The following RABGAP1L variants were observed in gnomAD, a reference collection of about 807,000 sequenced individuals.
RABGAP1L encodes the protein rab GTPase-activating protein 1-like.
A neutral mutation model predicts 137.7 loss-of-function variants in RABGAP1L; 63 were observed. The ratio of observed to expected loss-of-function variants is 0.46; its 90% CI spans 0.37 to 0.56. The LOEUF is 0.56. Among genes scored for constraint, RABGAP1L ranks in the 20% least tolerant of loss-of-function variants. The pLI, the probability that RABGAP1L is intolerant of heterozygous loss-of-function variation, is 0.00. For missense variants in RABGAP1L, 1,095 were observed against 1,244.0 expected (o/e 0.88, Z 1.80); for synonymous variants, 431 against 433.7 (o/e 0.99, Z 0.08).
intron 13 of RABGAP1L, among the ~76,000 whole-genome samples, chr1:174,576,522 A>G (rs1023854375): frequency 1.8e-4 from 28 of 152,136 alleles, no homozygotes; most frequent in Admixed American, 4.6e-4. Context: ...TGGCAGTCCA[A>G]CCTGGCATTG....
At chr1:174,805,285 A>G (rs1278813889) in intron 18 of RABGAP1L, among the ~76,000 whole-genome samples, 1 of 152,124 alleles carries the variant, frequency 6.6e-6, no homozygotes, top group African/African-American at 2.4e-5. Context: ...CTTCCTACCT[A>G]CTTGAAAGGG....
chr1:174,438,443 G>A (rs1234066627), intron 13 of RABGAP1L, among the ~76,000 whole-genome samples: 11 of 151,940 alleles, frequency 7.2e-5, no homozygotes, highest in South Asian at 2.1e-4. Flanking sequence ...AGTAGGCTGG[G>A]CGCAGTGGCT....
At chr1:174,757,874 A>ATT in intron 18 of RABGAP1L, among the ~76,000 whole-genome samples, 1 of 151,926 alleles carries the variant, frequency 6.6e-6, no homozygotes, top group Non-Finnish European at 1.5e-5. Flanking sequence ...AAATACAAAA[A>ATT]ACGCCAGGCG....
chr1:174,199,923 G>T (rs1289810803), intron 1 of RABGAP1L, among the ~76,000 whole-genome samples: 1 of 152,078 alleles, frequency 6.6e-6, no homozygotes, highest in African/African-American at 2.4e-5. Context: ...ACTTTCTTAG[G>T]TTCTCTCTAG....
intron 6 of RABGAP1L, among the ~76,000 whole-genome samples, chr1:174,252,046 A>C (rs1006518053): frequency 6.6e-6 from 1 of 151,866 alleles, no homozygotes; most frequent in Non-Finnish European, 1.5e-5. Context: ...ACAAGCATGC[A>C]CCACCACTCA....
chr1:174,782,824 C>T (rs567743782), intron 18 of RABGAP1L, among the ~76,000 whole-genome samples: 1 of 152,242 alleles, frequency 6.6e-6, no homozygotes, highest in East Asian at 1.9e-4. Context: ...AAAGAGGGCT[C>T]ACTAAAATGC....
intron 13 of RABGAP1L, among the ~76,000 whole-genome samples, chr1:174,412,535 G>C (rs1358727758): frequency 1.3e-5 from 2 of 152,018 alleles, no homozygotes; most frequent in African/African-American, 4.8e-5. Context: ...AGTTTCTATT[G>C]TGTTGTTTCC....
rs1277678007 is a variant in RABGAP1L at position 174,441,597 on chromosome 1, G to A, written c.1710+47452G>A. Among the ~76,000 whole-genome samples, 8 of 152,046 alleles carry A rather than the reference G, an allele frequency of 5.3e-5. No homozygotes were observed. In the East Asian group the frequency reaches 1.3e-3, roughly 26 times the overall value. The stretch of plus-strand genomic sequence containing the variant: ...TAAAAATACAAAATTAGTCAGGCGT[G>A]GTGGTGCATGCCTGTAATCCCAGCC... On this transcript the variant is annotated intron_variant, in intron 13 of 25. Coordinates refer to ENST00000681986, the MANE Select transcript of RABGAP1L (RefSeq NM_001366446.1).
intron 19 of RABGAP1L, among the ~76,000 whole-genome samples, chr1:174,910,098 G>A (rs1253725974): frequency 2.6e-5 from 4 of 151,940 alleles, no homozygotes; most frequent in Non-Finnish European, 4.4e-5. Flanking sequence ...GAGATTTCGC[G>A]ACTGCACTCC....
At chr1:174,924,876 T>A (rs1455434987) in intron 19 of RABGAP1L, among the ~76,000 whole-genome samples, 1 of 152,104 alleles carries the variant, frequency 6.6e-6, no homozygotes, top group South Asian at 2.1e-4. Context: ...TCCATAGTAC[T>A]GTATATTAGA....
At position 174,374,582 on chromosome 1, in the gene RABGAP1L, C is replaced by T. The variant is rs537814815; in HGVS notation, c.1559+3510C>T. On this transcript the variant is annotated intron_variant, in intron 12 of 25. Transcript: ENST00000681986. Reference sequence around the variant, plus strand: ...TTTGGATAAGGTGTTTCTTCTTGTCCGTAATTTACTCCCAAAGGCAAAATA... The same window carrying T: ...TTTGGATAAGGTGTTTCTTCTTGTCTGTAATTTACTCCCAAAGGCAAAATA... 1.4e-4 allele frequency among the ~76,000 whole-genome samples: 22 copies of T among 152,126 alleles called. No individual in the cohort carries two copies. The South Asian group carries it at 3.1e-3, about 22-fold the overall frequency.
chr1:174,683,054 AG>A (rs1299061848), intron 14 of RABGAP1L, among the ~76,000 whole-genome samples: 13 of 139,836 alleles, frequency 9.3e-5, no homozygotes, highest in East Asian at 2.1e-4. Context: ...GAGGTTCTAA[AG>A]GGGTTTTTTT....
At chr1:174,234,084 A>G (rs1479491263) in intron 4 of RABGAP1L, among the ~76,000 whole-genome samples, 1 of 129,456 alleles carries the variant, frequency 7.7e-6, no homozygotes, top group African/African-American at 3.8e-5. Context: ...GTGTCTGTTC[A>G]TGTCCTTCGC....
intron 7 of RABGAP1L, among the ~76,000 whole-genome samples, chr1:174,257,172 C>A (rs975273551): frequency 6.6e-6 from 1 of 152,132 alleles, no homozygotes; most frequent in Non-Finnish European, 1.5e-5. Flanking sequence ...TTTTTTTGAG[C>A]ACTTCCTTTT....
intron 11 of RABGAP1L, among the ~76,000 whole-genome samples, chr1:174,320,705 TCCCCAGTCAATAC>T (rs1679881655): frequency 6.6e-6 from 1 of 152,186 alleles, no homozygotes. Context: ...ATTTATCACT[TCCCCAGTCAATAC>T]TCTTGGGATT....
chr1:174,987,913 G>A (rs867978561), intron 24 of RABGAP1L, among the ~76,000 whole-genome samples: 58 of 151,972 alleles, frequency 3.8e-4, no homozygotes, highest in African/African-American at 1.4e-3. Context: ...GGGTTCAAGC[G>A]ATTCTCCTGC....
chr1:174,444,576 A>G (rs1654523674), intron 13 of RABGAP1L, among the ~76,000 whole-genome samples: 1 of 151,974 alleles, frequency 6.6e-6, no homozygotes, highest in Non-Finnish European at 1.5e-5. Flanking sequence ...AGTTCTGGGC[A>G]TGTCTTTGAT....
intron 13 of RABGAP1L, among the ~76,000 whole-genome samples, chr1:174,618,084 G>A (rs974455497): frequency 1.3e-5 from 2 of 152,338 alleles, no homozygotes; most frequent in East Asian, 1.9e-4. Context: ...AGGCAGCAGC[G>A]AGGCTGTGGG....
intron 18 of RABGAP1L, among the ~76,000 whole-genome samples, chr1:174,769,925 T>C (rs755339060): frequency 1.3e-5 from 2 of 152,206 alleles, no homozygotes; most frequent in Non-Finnish European, 2.9e-5. Flanking sequence ...GTCTTTGATG[T>C]ACCAACTTGG....
Sources: allele counts gnomAD v4.1 joint callset (sites outside exome capture counted in the v4.1 genomes callset), GRCh38; gene constraint gnomAD v4.1.1; transcripts MANE v1.5; gene names NCBI Gene and HGNC (gene_info 2026-07-23, HGNC 2026-07-21).